The following HS6ST3 variants were observed in gnomAD, a reference collection of about 807,000 sequenced individuals.
The protein encoded by HS6ST3 is heparan sulfate 6-O-sulfotransferase 3, also known as heparan-sulfate 6-O-sulfotransferase 3.
Under a neutral mutation model 36.7 loss-of-function variants are expected in HS6ST3, and 12 were observed. The observed-to-expected ratio is 0.33, with a 90% confidence interval of 0.21 to 0.53. The LOEUF is 0.53. HS6ST3 is among the 20% of genes least tolerant of loss of function. HS6ST3 has a pLI of 0.95. For missense variants in HS6ST3, 584 were observed against 640.9 expected, an observed-to-expected ratio of 0.91 and a Z score of 0.96; for synonymous variants, 240 against 257.5, an observed-to-expected ratio of 0.93 and a Z score of 0.65.
chr13:96,327,551 G>A (rs1382524218), intron 1 of HS6ST3, among the ~76,000 whole-genome samples: 1 of 151,946 alleles, frequency 6.6e-6, no homozygotes, highest in Non-Finnish European at 1.5e-5. Context: ...CTCTGTTTTG[G>A]TACTAGTACC....
chr13:96,549,888 C>T (rs1402084630), intron 1 of HS6ST3, among the ~76,000 whole-genome samples: 2 of 152,106 alleles, frequency 1.3e-5, no homozygotes, highest in Non-Finnish European at 2.9e-5. Flanking sequence ...AATATCTTCT[C>T]TGACTTCAGC....
chr13:96,505,032 G>A (rs2056020734), intron 1 of HS6ST3, among the ~76,000 whole-genome samples: 1 of 152,104 alleles, frequency 6.6e-6, no homozygotes, highest in Non-Finnish European at 1.5e-5. Context: ...GCTGATTTTT[G>A]TGGCATCCTT....
chr13:96,627,708 T>TA (rs1356111859), intron 1 of HS6ST3, among the ~76,000 whole-genome samples: 1 of 152,006 alleles, frequency 6.6e-6, no homozygotes, highest in Non-Finnish European at 1.5e-5. Context: ...TTACTTGTAC[T>TA]AAATATAGCC....
intron 1 of HS6ST3, among the ~76,000 whole-genome samples, chr13:96,614,616 G>A (rs1177741411): frequency 6.6e-6 from 1 of 152,124 alleles, no homozygotes; most frequent in Non-Finnish European, 1.5e-5. Flanking sequence ...CTATTAACTT[G>A]TGAAAGTCCA....
At chr13:96,381,978 A>G (rs1395862312) in intron 1 of HS6ST3, among the ~76,000 whole-genome samples, 5 of 152,058 alleles carry the variant, frequency 3.3e-5, no homozygotes, top group African/African-American at 1.2e-4. Flanking sequence ...AACAAACAAG[A>G]GCTGTGGGAG....
At chr13:96,231,835 A>G (rs969597682) in intron 1 of HS6ST3, among the ~76,000 whole-genome samples, 1 of 152,184 alleles carries the variant, frequency 6.6e-6, no homozygotes, top group African/African-American at 2.4e-5. Context: ...GATAGAGTAC[A>G]TAGGGGGGTT....
chr13:96,473,067 G>T (rs763393935), intron 1 of HS6ST3, among the ~76,000 whole-genome samples: 4 of 152,104 alleles, frequency 2.6e-5, no homozygotes, highest in Non-Finnish European at 4.4e-5. Context: ...AAAGCCAAAT[G>T]CGTGCTCTTC....
At chr13:96,831,828 G>A (rs1171043392) in intron 1 of HS6ST3, among the ~76,000 whole-genome samples, 1 of 151,852 alleles carries the variant, frequency 6.6e-6, no homozygotes, top group African/African-American at 2.4e-5. Context: ...GGTGGCAGGT[G>A]CCTGTAATCC....
At chr13:96,403,797 A>G (rs1286776047) in intron 1 of HS6ST3, among the ~76,000 whole-genome samples, 1 of 152,212 alleles carries the variant, frequency 6.6e-6, no homozygotes. Context: ...AGTGACAGCT[A>G]AGAAATGTTA....
chr13:96,700,721 G>T (rs1353541703), intron 1 of HS6ST3, among the ~76,000 whole-genome samples: 1 of 152,144 alleles, frequency 6.6e-6, no homozygotes, highest in Non-Finnish European at 1.5e-5. Context: ...ATTATCCACT[G>T]TAAGGAGAAA....
intron 1 of HS6ST3, among the ~76,000 whole-genome samples, chr13:96,525,502 T>C (rs982319891): frequency 3.3e-5 from 5 of 152,176 alleles, no homozygotes; most frequent in African/African-American, 7.2e-5. Context: ...ACTGACAATA[T>C]AATGCAGCAG....
At chr13:96,804,253 C>G (rs1029806611) in intron 1 of HS6ST3, among the ~76,000 whole-genome samples, 1 of 151,984 alleles carries the variant, frequency 6.6e-6, no homozygotes, top group Non-Finnish European at 1.5e-5. Context: ...CTAAACTTGT[C>G]GGAACAGAGA....
chr13:96,123,559 C>T (rs1208736874), intron 1 of HS6ST3, among the ~76,000 whole-genome samples: 2 of 152,118 alleles, frequency 1.3e-5, no homozygotes, highest in East Asian at 3.8e-4. Context: ...TGTCTTATGT[C>T]AACTCATGAG....
intron 1 of HS6ST3, among the ~76,000 whole-genome samples, chr13:96,622,507 A>T (rs1265810508): frequency 1.3e-5 from 2 of 152,232 alleles, no homozygotes; most frequent in Non-Finnish European, 2.9e-5. Flanking sequence ...AATACTTGAC[A>T]TAAATGGGAT....
At chr13:96,276,481 T>G (rs557839771) in intron 1 of HS6ST3, among the ~76,000 whole-genome samples, 1 of 152,190 alleles carries the variant, frequency 6.6e-6, no homozygotes, top group Non-Finnish European at 1.5e-5. Context: ...CTCAGCAAGT[T>G]GGACAAATTC....
At chr13:96,532,765 A>C (rs972061806) in intron 1 of HS6ST3, among the ~76,000 whole-genome samples, 9 of 152,194 alleles carry the variant, frequency 5.9e-5, no homozygotes, top group African/African-American at 2.2e-4. Flanking sequence ...TACTGAAAGC[A>C]TGGAGGTCTG....
chr13:96,776,472 C>T (rs940945094), intron 1 of HS6ST3, among the ~76,000 whole-genome samples: 17 of 151,674 alleles, frequency 1.1e-4, no homozygotes, highest in Admixed American at 9.2e-4. Context: ...GAAAGAGAGA[C>T]GAGTCAAATA....
intron 1 of HS6ST3, among the ~76,000 whole-genome samples, chr13:96,409,101 G>A (rs577195468): frequency 5.9e-5 from 9 of 152,306 alleles, no homozygotes; most frequent in African/African-American, 1.7e-4. Flanking sequence ...AAGACTTCAT[G>A]AAAGAGAAGG....
At chr13:96,458,278 C>T (rs1234417265) in intron 1 of HS6ST3, among the ~76,000 whole-genome samples, 1 of 151,650 alleles carries the variant, frequency 6.6e-6, no homozygotes, top group Non-Finnish European at 1.5e-5. Flanking sequence ...CTGTTTTAAG[C>T]ATTTATTTAT....
Sources: allele counts gnomAD v4.1 joint callset (sites outside exome capture counted in the v4.1 genomes callset), GRCh38; gene constraint gnomAD v4.1.1; transcripts MANE v1.5; gene names NCBI Gene and HGNC (gene_info 2026-07-23, HGNC 2026-07-21).